The following TMCC1 variants were observed in gnomAD, a reference collection of about 807,000 sequenced individuals.
TMCC1 encodes transmembrane and coiled-coil domain family 1.
Under a neutral mutation model 52.4 loss-of-function variants are expected in TMCC1, and 15 were observed. That is an observed-to-expected ratio of 0.29 (90% confidence interval 0.19 to 0.44). The LOEUF is 0.44. Among genes scored for constraint, TMCC1 ranks in the 20% least tolerant of loss-of-function variants. The probability of loss-of-function intolerance (pLI) is 1.00; values close to 1 mark genes in which losing one functional copy is unlikely to be tolerated. For synonymous variants in TMCC1, 279 were observed against 301.9 expected, an observed-to-expected ratio of 0.92 and a Z score of 0.79; for missense variants, 503 against 806.0, an observed-to-expected ratio of 0.62 and a Z score of 4.55.
intron 2 of TMCC1, among the ~76,000 whole-genome samples, chr3:129,848,161 G>C (rs1194592933): frequency 2.0e-5 from 3 of 152,034 alleles, no homozygotes; most frequent in Non-Finnish European, 4.4e-5. Context: ...TTTTAACTTG[G>C]ATGAAATCCA....
chr3:129,757,557 A>G (rs1391242786), intron 4 of TMCC1, among the ~76,000 whole-genome samples: 1 of 152,220 alleles, frequency 6.6e-6, no homozygotes, highest in African/African-American at 2.4e-5. Context: ...ATGGTTGCTC[A>G]TGCCTGTAAT....
At chr3:129,656,361 T>C (rs1227634327) in intron 5 of TMCC1, among the ~76,000 whole-genome samples, 1 of 152,240 alleles carries the variant, frequency 6.6e-6, no homozygotes, top group East Asian at 1.9e-4. Flanking sequence ...TCAGGTAGCA[T>C]ACATTTAACA....
chr3:129,674,047 T>C (rs1416232442), intron 4 of TMCC1, among the ~76,000 whole-genome samples: 2 of 152,212 alleles, frequency 1.3e-5, no homozygotes. Flanking sequence ...CTGTACAGGT[T>C]TGTAGCCTAG....
At chr3:129,770,646 T>G (rs557147079) in intron 4 of TMCC1, among the ~76,000 whole-genome samples, 19 of 151,848 alleles carry the variant, frequency 1.3e-4, no homozygotes, top group African/African-American at 4.6e-4. Flanking sequence ...TAAAATAAAA[T>G]AAAATAAAAT....
Position 129,835,380 on chromosome 3 carries a change from T to G in TMCC1, c.-183-2554A>C, listed in dbSNP as rs534201447. On this transcript the variant is annotated intron_variant, in intron 2 of 6. Transcript: ENST00000393238. ...CAGGCTTTTCCCATCTGTTAGCATA[T>G]GCTTAGTTTTTCCTAATTATCTAGC... Among the ~76,000 whole-genome samples, 10 of 152,192 alleles carry G rather than the reference T, an allele frequency of 6.6e-5. No homozygotes were observed. In the South Asian group the frequency reaches 2.1e-3, roughly 32 times the overall value.
At chr3:129,653,606 G>A (rs2086483777) in intron 6 of TMCC1, among the ~76,000 whole-genome samples, 1 of 152,108 alleles carries the variant, frequency 6.6e-6, no homozygotes, top group African/African-American at 2.4e-5. Flanking sequence ...AACATGCCCG[G>A]CTAATTTTTG....
At chr3:129,792,772 A>C (rs2056564516) in intron 4 of TMCC1, among the ~76,000 whole-genome samples, 1 of 152,224 alleles carries the variant, frequency 6.6e-6, no homozygotes, top group Non-Finnish European at 1.5e-5. Flanking sequence ...TCAAATGAGC[A>C]ATAAGGGTAC....
At chr3:129,654,591 T>C (rs1282115857) in intron 6 of TMCC1, among the ~76,000 whole-genome samples, 1 of 152,200 alleles carries the variant, frequency 6.6e-6, no homozygotes, top group Non-Finnish European at 1.5e-5. Flanking sequence ...TGTGCCTATA[T>C]GAGATTTGGA....
intron 4 of TMCC1, among the ~76,000 whole-genome samples, chr3:129,754,923 C>T (rs768040164): frequency 6.6e-6 from 1 of 151,940 alleles, no homozygotes; most frequent in Non-Finnish European, 1.5e-5. Flanking sequence ...ACTAAAAATA[C>T]CAAAATTAGC....
At chr3:129,818,074 T>C (rs1384565079) in intron 4 of TMCC1, among the ~76,000 whole-genome samples, 1 of 152,032 alleles carries the variant, frequency 6.6e-6, no homozygotes, top group East Asian at 1.9e-4. Context: ...CCTCCCAAAG[T>C]GCTGGGATTA....
chr3:129,715,841 T>C (rs2049039946), intron 4 of TMCC1, among the ~76,000 whole-genome samples: 1 of 152,124 alleles, frequency 6.6e-6, no homozygotes, highest in Admixed American at 6.5e-5. Flanking sequence ...TCATTCTTAT[T>C]ATATTAAATG....
intron 4 of TMCC1, among the ~76,000 whole-genome samples, chr3:129,826,813 G>A (rs1005508399): frequency 6.6e-6 from 1 of 151,768 alleles, no homozygotes; most frequent in Non-Finnish European, 1.5e-5. Context: ...ACCGCAAGCA[G>A]ACACAGAATG....
At chr3:129,754,511 C>T (rs1000003865) in intron 4 of TMCC1, among the ~76,000 whole-genome samples, 4 of 152,094 alleles carry the variant, frequency 2.6e-5, no homozygotes, top group Admixed American at 6.6e-5. Flanking sequence ...AGGAAGGATA[C>T]GGTCCACAGA....
intron 4 of TMCC1, among the ~76,000 whole-genome samples, chr3:129,805,544 A>G (rs1039719597): frequency 5.9e-5 from 9 of 152,206 alleles, no homozygotes; most frequent in Non-Finnish European, 1.0e-4. Flanking sequence ...CATTTTGTCT[A>G]GCACATACAC....
At chr3:129,675,843 C>A (rs762775060) in intron 4 of TMCC1, among the ~76,000 whole-genome samples, 3 of 151,990 alleles carry the variant, frequency 2.0e-5, no homozygotes, top group Non-Finnish European at 4.4e-5. Context: ...CGAGACCATC[C>A]TGGCTAACAC....
intron 2 of TMCC1, among the ~76,000 whole-genome samples, chr3:129,877,749 C>T (rs998115448): frequency 4.0e-5 from 6 of 151,448 alleles, no homozygotes; most frequent in East Asian, 1.9e-4. Flanking sequence ...CTGCCTCAGC[C>T]TCCCAAGTAG....
intron 2 of TMCC1, among the ~76,000 whole-genome samples, chr3:129,845,932 G>A (rs1229941130): frequency 1.3e-5 from 2 of 152,130 alleles, no homozygotes; most frequent in Non-Finnish European, 2.9e-5. Flanking sequence ...TGCTCAAGAG[G>A]CTGAGGTGCG....
chr3:129,671,148 C>T lies in TMCC1; in HGVS notation c.693G>A (p.Lys231=). 6.2e-7 allele frequency: 1 copy of T among 1,614,140 alleles called. No homozygotes were observed. Among genetic ancestry groups the T allele is most frequent in the East Asian group, 2.2e-5 (1 of 44,876 alleles). ...TCTGCTGCAGGTGAGCAATGGCAGC[C>T]TTTGTGCGCTGAGGGTCTGGTGTTC... ...VDGTPDPQRT[K]AAIAHLQQKI... The change falls in exon 5 of 7, where the codon AAG becomes AAA. Residue 231 remains lysine, a synonymous_variant. Coordinates refer to ENST00000393238, the MANE Select transcript of TMCC1 (RefSeq NM_001017395.5).
Position 129,711,582 on chromosome 3 carries a change from C to T in TMCC1, c.577-40318G>A, listed in dbSNP as rs146539700. Among the ~76,000 whole-genome samples the T allele has an allele frequency of 4.2e-3, 645 of 152,122 alleles. 3 individuals carry two copies. Among genetic ancestry groups the T allele is most frequent in the Admixed American group, 0.015 (232 of 15,266 alleles). ...ATCCTAGGCCACGTGCAGTGGCTCACGCCTGTAATCCCAACACTTTGGAAG... is the reference window on the plus strand; with the variant it reads ...ATCCTAGGCCACGTGCAGTGGCTCATGCCTGTAATCCCAACACTTTGGAAG... On this transcript the variant is annotated intron_variant, in intron 4 of 6. Coordinates refer to ENST00000393238, the MANE Select transcript of TMCC1 (RefSeq NM_001017395.5).
Sources: allele counts gnomAD v4.1 joint callset (sites outside exome capture counted in the v4.1 genomes callset), GRCh38; gene constraint gnomAD v4.1.1; transcripts MANE v1.5; gene names NCBI Gene and HGNC (gene_info 2026-07-23, HGNC 2026-07-21).